The following LYSMD3 variants were observed in gnomAD, a reference collection of about 807,000 sequenced individuals.
LYSMD3 encodes the protein LysM domain containing 3.
A neutral mutation model predicts 26.1 loss-of-function variants in LYSMD3; 13 were observed. That is an observed-to-expected ratio of 0.50 (90% CI 0.32 to 0.79). The LOEUF is 0.79. LYSMD3 is among the 30% of genes least tolerant of loss of function. The pLI is 0.03. For synonymous variants in LYSMD3, 109 were observed against 119.4 expected, an observed-to-expected ratio of 0.91 and a Z score of 0.57; for missense variants, 331 against 362.5, an observed-to-expected ratio of 0.91 and a Z score of 0.71.
At position 90,521,519 on chromosome 5, in the gene LYSMD3, A is replaced by C. The variant is rs370404253; in HGVS notation, c.256-2035T>G. On this transcript the variant is annotated intron_variant, in intron 2 of 2. Transcript: ENST00000315948. The stretch of plus-strand genomic sequence containing the variant: ...ATTGGAAGGAAAGGGTTGAACAATA[A>C]CTAAAAGATGAAACAGTAAAGATAA... Among the ~76,000 whole-genome samples the C allele has an allele frequency of 3.2e-4, 49 of 152,198 alleles. No homozygotes were observed. In the South Asian group the frequency reaches 0.01, roughly 32 times the overall value.
Position 90,519,489 on chromosome 5 carries a change from G to C in LYSMD3, c.256-5C>G, listed in dbSNP as rs373967522. 2 of 1,543,594 alleles carry C rather than the reference G, an allele frequency of 1.3e-6. No individual in the cohort carries two copies. Among genetic ancestry groups the C allele is most frequent in the Admixed American group, 1.9e-5 (1 of 52,830 alleles). On this transcript the variant is annotated splice_polypyrimidine_tract_variant and splice_region_variant and intron_variant, in intron 2 of 2. Coordinates refer to ENST00000315948, the MANE Select transcript of LYSMD3 (RefSeq NM_198273.2). ...AACTCTCTTGATATCTGCTACCTGT[G>C]GGGGGGAAAAAAAAGCAACATACAA...
At position 90,525,224 on chromosome 5, in the gene LYSMD3, A is replaced by G; in HGVS notation, c.66T>C (p.His22=). The stretch of plus-strand genomic sequence containing the variant: ...CACTGTCTGAACAATTTCCAAATGC[A>G]TGTACTTGACCACTTGACTGAACTC... ...LPGVQSSGQV[H]AFGNCSDSDI... Residue 22 remains histidine (H), a synonymous_variant, in exon 2 of 3, where the codon CAT becomes CAC. Coordinates refer to ENST00000315948, the MANE Select transcript of LYSMD3 (RefSeq NM_198273.2). 1.2e-6 allele frequency: 2 copies of G among 1,614,002 alleles called. No homozygotes were observed. Among genetic ancestry groups the G allele is most frequent in the Non-Finnish European group, 1.7e-6 (2 of 1,179,990 alleles).
intron 2 of LYSMD3, 83 bp from the exon 3 acceptor site, chr5:90,519,567 T>C (rs1426739026): frequency 2.2e-6 from 3 of 1,385,322 alleles, no homozygotes; most frequent in Admixed American, 2.4e-5. Flanking sequence ...TAGTTACTTT[T>C]GGAGGAAAAA....
rs1209633378 is a variant in LYSMD3, at chr5:90,517,801, C to G, written c.*1018G>C. ...CAACAGACCTCAAAGGCAGTTTTGA[C>G]CCAATTATTTGTGCTTGATGGTGAA... is the stretch of plus-strand genomic sequence containing the variant. On this transcript the variant is annotated 3_prime_UTR_variant, in exon 3 of 3. Coordinates refer to ENST00000315948, the MANE Select transcript of LYSMD3 (RefSeq NM_198273.2). 1 of 152,420 alleles carries G rather than the reference C, an allele frequency of 6.6e-6. No homozygotes were observed. Among genetic ancestry groups the G allele is most frequent in the Non-Finnish European group, 1.5e-5 (1 of 67,918 alleles). The allele number at this position is 152,420 out of a possible 1,614,324, so 9.4% of individuals were successfully genotyped here.
Position 90,525,143 on chromosome 5 carries a change from T to C in LYSMD3, c.147A>G (p.Lys49=). The stretch of plus-strand genomic sequence containing the variant: ...TATCTCTTGATGTACTTCTTCGGAC[T>C]TTCTCTTTTCCTCTGGATCGAAGTT... ...VYELRSRGKE[K]VRRSTSRDRL... is the part of the protein sequence containing the mutation. Residue 49 remains lysine, a synonymous_variant, in exon 2 of 3, where the codon AAA becomes AAG. Transcript: ENST00000315948. The C allele has an allele frequency of 6.2e-7, 1 of 1,614,180 alleles. No individual in the cohort carries two copies. Among genetic ancestry groups the C allele is most frequent in the East Asian group, 2.2e-5 (1 of 44,868 alleles).
intron 1 of LYSMD3, among the ~76,000 whole-genome samples, chr5:90,528,325 CTT>C (rs1318963087): frequency 6.6e-6 from 1 of 152,176 alleles, no homozygotes; most frequent in Non-Finnish European, 1.5e-5. Context: ...ACTTATGTGT[CTT>C]GTTAGACAGT....
chr5:90,519,958 T>C (rs189236065), intron 2 of LYSMD3, among the ~76,000 whole-genome samples: 2 of 151,864 alleles, frequency 1.3e-5, no homozygotes, highest in East Asian at 1.9e-4. Flanking sequence ...ATTTTATGTA[T>C]ATCTAGGGAA....
chr5:90,527,621 C>T (rs1753255846), intron 1 of LYSMD3, among the ~76,000 whole-genome samples: 1 of 151,806 alleles, frequency 6.6e-6, no homozygotes, highest in Non-Finnish European at 1.5e-5. Context: ...ATAAAATTAC[C>T]TTCCGACTAT....
At chr5:90,520,546 G>C (rs985680008) in intron 2 of LYSMD3, 3 of 455,620 alleles carry the variant, frequency 6.6e-6, no homozygotes, top group African/African-American at 6.0e-5. Flanking sequence ...AAGATGTTCA[G>C]GACAGAGTTG....
intron 1 of LYSMD3, among the ~76,000 whole-genome samples, chr5:90,525,720 G>T (rs1041679661): frequency 6.6e-6 from 1 of 152,166 alleles, no homozygotes; most frequent in Non-Finnish European, 1.5e-5. Context: ...AAAGTGCTAC[G>T]ATTACAGGTG....
intron 1 of LYSMD3, 66 bp from the exon 2 acceptor site, chr5:90,525,366 A>G: frequency 6.4e-6 from 9 of 1,395,934 alleles, no homozygotes; most frequent in African/African-American, 1.4e-5. Context: ...ATTTGCATGC[A>G]TCGTACATTC....
chr5:90,520,348 C>G, intron 2 of LYSMD3: 1 of 455,140 alleles, frequency 2.2e-6, no homozygotes, highest in Non-Finnish European at 4.4e-6. Context: ...TACTTTAAAA[C>G]CTAATCATGT....
intron 1 of LYSMD3, chr5:90,527,015 A>G (rs911191802): frequency 6.6e-6 from 1 of 152,214 alleles, no homozygotes; most frequent in African/African-American, 2.4e-5. Context: ...GAAAATATGG[A>G]TAAGGAGTGT....
chr5:90,524,059 T>C (rs1480462889), intron 2 of LYSMD3, among the ~76,000 whole-genome samples: 1 of 152,186 alleles, frequency 6.6e-6, no homozygotes, highest in Non-Finnish European at 1.5e-5. Flanking sequence ...GGCAGTGCCA[T>C]TTAAAGATAT....
At chr5:90,521,768 G>T (rs1019893467) in intron 2 of LYSMD3, among the ~76,000 whole-genome samples, 23 of 151,896 alleles carry the variant, frequency 1.5e-4, no homozygotes, top group African/African-American at 5.1e-4. Flanking sequence ...TCTATGCTAT[G>T]CCAACTTCCT....
At chr5:90,519,573 A>G (rs889800628) in intron 2 of LYSMD3, 89 bp from the exon 3 acceptor site, 2 of 1,268,984 alleles carry the variant, frequency 1.6e-6, no homozygotes, top group South Asian at 1.6e-5. Flanking sequence ...CTTTTGGAGG[A>G]AAAAAAAAGT....
intron 1 of LYSMD3, among the ~76,000 whole-genome samples, chr5:90,527,397 A>T (rs952276644): frequency 1.4e-5 from 2 of 146,688 alleles, no homozygotes; most frequent in African/African-American, 5.1e-5. Context: ...TTATTTTTTC[A>T]CTGTATTAAT....
Position 90,517,501 on chromosome 5 carries a change from T to A in LYSMD3, c.*1318A>T, listed in dbSNP as rs1451835336. 1 of 152,018 alleles carries A rather than the reference T, an allele frequency of 6.6e-6. No individual in the cohort carries two copies. The highest frequency in any genetic ancestry group is 2.4e-5 in the African/African-American group (1 of 41,412). 9.4% of individuals were successfully genotyped at this position (152,018 alleles called of 1,614,324 possible). ...TTTTAAAACACATACTTTTAAAGAT[T>A]AAATGATGGAATCAGTATGCAAATG... is the stretch of plus-strand genomic sequence containing the variant. On this transcript the variant is annotated 3_prime_UTR_variant, in exon 3 of 3. Coordinates refer to ENST00000315948, the MANE Select transcript of LYSMD3 (RefSeq NM_198273.2).
At chr5:90,519,824 G>T (rs1432789931) in intron 2 of LYSMD3, among the ~76,000 whole-genome samples, 4 of 151,870 alleles carry the variant, frequency 2.6e-5, no homozygotes, top group Non-Finnish European at 5.9e-5. Flanking sequence ...ATTTGTGAAG[G>T]AAGGATTATG....
Sources: allele counts gnomAD v4.1 joint callset (sites outside exome capture counted in the v4.1 genomes callset), GRCh38; gene constraint gnomAD v4.1.1; transcripts MANE v1.5; gene names NCBI Gene and HGNC (gene_info 2026-07-23, HGNC 2026-07-21).